Variants in PIK3C2G observed in about 807,000 individuals in gnomAD.
PIK3C2G encodes the protein phosphatidylinositol-4-phosphate 3-kinase catalytic subunit type 2 gamma.
Under a neutral mutation model 181.1 loss-of-function variants are expected in PIK3C2G, and 168 were observed. The observed-to-expected ratio is 0.93, with a 90% CI of 0.82 to 1.05. The LOEUF (loss-of-function observed/expected upper bound fraction) is 1.05. Ranked by LOEUF, PIK3C2G falls within the 50% of genes least tolerant of loss-of-function variation. The probability of loss-of-function intolerance (pLI) is 0.00; values close to 1 mark genes in which losing one functional copy is unlikely to be tolerated. For missense variants in PIK3C2G, 1,869 were observed against 1,732.8 expected, an observed-to-expected ratio of 1.08 and a Z score of -1.40; for synonymous variants, 573 against 592.2, an observed-to-expected ratio of 0.97 and a Z score of 0.47.
At chr12:18,712,815 T>A in the PIK3C2G span, 2 of 1,610,038 alleles carry the variant, frequency 1.2e-6, no homozygotes, top group African/African-American at 1.3e-5. Flanking sequence ...TTTAAATAGC[T>A]ACAGTTGAAC....
chr12:18,404,061 T>C (rs1223300253), intron 16 of PIK3C2G, among the ~76,000 whole-genome samples: 1 of 150,804 alleles, frequency 6.6e-6, no homozygotes, highest in Admixed American at 6.7e-5. Context: ...TGTAAAATTA[T>C]TGTTTTGCAA....
intron 6 of PIK3C2G, among the ~76,000 whole-genome samples, chr12:18,315,236 A>G (rs1482085242): frequency 1.3e-5 from 2 of 152,202 alleles, no homozygotes; most frequent in South Asian, 2.1e-4. Flanking sequence ...TGAGGCCAAA[A>G]GACAGTTGTT....
At chr12:18,569,820 A>G (rs1945832900) in intron 29 of PIK3C2G, among the ~76,000 whole-genome samples, 1 of 152,210 alleles carries the variant, frequency 6.6e-6, no homozygotes, top group East Asian at 1.9e-4. Context: ...TCCTGTTGCT[A>G]TTGAGCTTGA....
chr12:18,659,019 A>T, the PIK3C2G span, among the ~76,000 whole-genome samples: 2 of 152,152 alleles, frequency 1.3e-5, no homozygotes, highest in Non-Finnish European at 2.9e-5. Context: ...TTTTTGGAGC[A>T]TGAAGCTTTG....
chr12:18,469,210 T>C (rs1938211640), intron 18 of PIK3C2G, among the ~76,000 whole-genome samples: 1 of 152,022 alleles, frequency 6.6e-6, no homozygotes, highest in African/African-American at 2.4e-5. Flanking sequence ...TCACCCTCAA[T>C]CTCTAAACTA....
intron 18 of PIK3C2G, among the ~76,000 whole-genome samples, chr12:18,439,289 A>C (rs1486125252): frequency 6.6e-6 from 1 of 152,004 alleles, no homozygotes; most frequent in Non-Finnish European, 1.5e-5. Flanking sequence ...ATCTAACAAA[A>C]GTCACAGATC....
chr12:18,490,036 A>T (rs1350231929), intron 19 of PIK3C2G, among the ~76,000 whole-genome samples: 1 of 152,192 alleles, frequency 6.6e-6, no homozygotes, highest in African/African-American at 2.4e-5. Context: ...TTTAAGAAAT[A>T]ATAATTTCTC....
intron 13 of PIK3C2G, among the ~76,000 whole-genome samples, chr12:18,379,801 A>G (rs548316916): frequency 2.5e-4 from 38 of 152,266 alleles, no homozygotes; most frequent in African/African-American, 8.2e-4. Context: ...AGGTTTGCCA[A>G]CGACTCCCAG....
the PIK3C2G span, among the ~76,000 whole-genome samples, chr12:18,692,032 G>C: frequency 2.6e-5 from 4 of 152,236 alleles, no homozygotes; most frequent in South Asian, 8.3e-4. Context: ...GTGGTATTAC[G>C]ATGGTGGAAA....
chr12:18,278,050 C>G (rs1237203268), intron 1 of PIK3C2G, among the ~76,000 whole-genome samples: 1 of 152,132 alleles, frequency 6.6e-6, no homozygotes, highest in Non-Finnish European at 1.5e-5. Context: ...TTATTCTAGT[C>G]TCTGATTTTC....
At chr12:18,269,013 C>T (rs1440565788) in intron 1 of PIK3C2G, among the ~76,000 whole-genome samples, 1 of 151,856 alleles carries the variant, frequency 6.6e-6, no homozygotes, top group African/African-American at 2.4e-5. Flanking sequence ...CTGGGTCAAA[C>T]AATTCTCATG....
chr12:18,302,369 C>T (rs1246756609), intron 5 of PIK3C2G, among the ~76,000 whole-genome samples: 6 of 152,136 alleles, frequency 3.9e-5, no homozygotes, highest in Non-Finnish European at 8.8e-5. Context: ...GCAAGCCAAT[C>T]CCTAAGTCCC....
At chr12:18,633,677 G>T (rs1203571389) in intron 31 of PIK3C2G, among the ~76,000 whole-genome samples, 2 of 152,154 alleles carry the variant, frequency 1.3e-5, no homozygotes, top group East Asian at 1.9e-4. Flanking sequence ...CGTCCAATTT[G>T]CCCTTGTTAG....
chr12:18,643,791 T>C (rs1312072833), intron 32 of PIK3C2G, among the ~76,000 whole-genome samples: 9 of 152,054 alleles, frequency 5.9e-5, no homozygotes, highest in African/African-American at 1.9e-4. Flanking sequence ...ATCTACCTTG[T>C]TTTAAACTTT....
the PIK3C2G span, chr12:18,723,454 T>G: frequency 6.2e-7 from 1 of 1,613,110 alleles, no homozygotes; most frequent in Non-Finnish European, 8.5e-7. Flanking sequence ...GTTGAAAATC[T>G]CAATAATTTC....
rs543717108 is a variant in PIK3C2G, at chr12:18,640,893, A to G, written c.4308+339A>G. 3.9e-5 allele frequency among the ~76,000 whole-genome samples: 6 copies of G among 152,288 alleles called. No individual in the cohort carries two copies. In the South Asian group the frequency reaches 1.2e-3, roughly 32 times the overall value. ...CTGATTTTCCTTACCTAATAATTTT[A>G]TCATATACTACCTTGGGTATAACAG... is the stretch of plus-strand genomic sequence containing the variant. On this transcript the variant is annotated intron_variant, in intron 32 of 32. Transcript: ENST00000538779.
At chr12:18,551,937 G>C (rs1173093829) in intron 26 of PIK3C2G, among the ~76,000 whole-genome samples, 1 of 152,116 alleles carries the variant, frequency 6.6e-6, no homozygotes, top group Non-Finnish European at 1.5e-5. Context: ...TATTGGACAA[G>C]TTCCTTCATG....
At chr12:18,582,089 A>G (rs1946528883) in intron 29 of PIK3C2G, among the ~76,000 whole-genome samples, 1 of 152,090 alleles carries the variant, frequency 6.6e-6, no homozygotes. Context: ...ATGAAGAAAA[A>G]CAGTTTCAAA....
intron 11 of PIK3C2G, among the ~76,000 whole-genome samples, chr12:18,356,825 C>T (rs1262926961): frequency 6.9e-6 from 1 of 144,892 alleles, no homozygotes; most frequent in Non-Finnish European, 1.5e-5. Flanking sequence ...TTCTTTCTTT[C>T]TCTGCTGCCC....
Sources: allele counts gnomAD v4.1 joint callset (sites outside exome capture counted in the v4.1 genomes callset), GRCh38; gene constraint gnomAD v4.1.1; transcripts MANE v1.5; gene names NCBI Gene and HGNC (gene_info 2026-07-23, HGNC 2026-07-21).